The following ANKRD11 variants were observed in gnomAD, a reference collection of about 807,000 sequenced individuals.
The protein encoded by ANKRD11 is ankyrin repeat domain 11, also known as ankyrin repeat domain-containing protein 11.
Under a neutral mutation model 195.7 loss-of-function variants are expected in ANKRD11, and 17 were observed. The observed-to-expected ratio is 0.09, with a 90% confidence interval of 0.06 to 0.13. ANKRD11 has a LOEUF of 0.13. Among genes scored for constraint, ANKRD11 ranks in the 10% least tolerant of loss-of-function variants. ANKRD11 has a pLI of 1.00. For synonymous variants in ANKRD11, 1,953 were observed against 1,528.1 expected, an observed-to-expected ratio of 1.28 and a Z score of -6.49; for missense variants, 3,735 against 3,566.1, an observed-to-expected ratio of 1.05 and a Z score of -1.21.
intron 2 of ANKRD11, among the ~76,000 whole-genome samples, chr16:89,400,011 A>C (rs574761108): frequency 1.1e-4 from 16 of 148,546 alleles, no homozygotes; most frequent in African/African-American, 4.0e-4. Flanking sequence ...CTGCTGCCCC[A>C]GGCTTCCCTG....
At chr16:89,342,688 T>C (rs1051328213) in intron 2 of ANKRD11, among the ~76,000 whole-genome samples, 2 of 152,260 alleles carry the variant, frequency 1.3e-5, no homozygotes, top group African/African-American at 4.8e-5. Flanking sequence ...TACTTCATGG[T>C]GTAAAAATCT....
At chr16:89,455,400 C>G (rs923954757) in intron 1 of ANKRD11, among the ~76,000 whole-genome samples, 1 of 152,214 alleles carries the variant, frequency 6.6e-6, no homozygotes, top group African/African-American at 2.4e-5. Context: ...GTGCAGAGCC[C>G]ACATAGCTAT....
At position 89,285,771 on chromosome 16, in the gene ANKRD11, C is replaced by G; in HGVS notation, c.893-122G>C. The G allele has an allele frequency of 8.3e-7, 1 of 1,201,378 alleles. No homozygotes were observed. Among genetic ancestry groups the G allele is most frequent in the East Asian group, 2.4e-5 (1 of 41,160 alleles). The allele number at this position is 1,201,378 out of a possible 1,614,324, so 74.4% of individuals were successfully genotyped here. A position where few individuals can be genotyped will look rare whatever the true frequency, so the allele number is the denominator to read the frequency against. On this transcript the variant is annotated intron_variant, in intron 8 of 12. Coordinates refer to ENST00000301030, the MANE Select transcript of ANKRD11 (RefSeq NM_013275.6). This position sits in a 1 kb window ranked among gnomAD's most constrained non-coding sequence, Gnocchi z 5.6. ...GGTTCCCACCCTGCCTCTGCAGAGA[C>G]ACTTTGCTCGACTCATGGAAACCAG... is the stretch of plus-strand genomic sequence containing the variant.
chr16:89,384,437 A>G (rs577111320), intron 2 of ANKRD11, among the ~76,000 whole-genome samples: 5 of 152,226 alleles, frequency 3.3e-5, no homozygotes, highest in African/African-American at 1.2e-4. Flanking sequence ...GGGCTGAGGC[A>G]GAGCAGAACG....
At chr16:89,391,576 T>TC in intron 2 of ANKRD11, among the ~76,000 whole-genome samples, 1 of 152,128 alleles carries the variant, frequency 6.6e-6, no homozygotes, top group Non-Finnish European at 1.5e-5. Context: ...ATCTGAGTTT[T>TC]CCCCCTCAGA....
At chr16:89,473,805 C>T (rs1326987991) in intron 1 of ANKRD11, among the ~76,000 whole-genome samples, 1 of 152,166 alleles carries the variant, frequency 6.6e-6, no homozygotes, top group Non-Finnish European at 1.5e-5. Flanking sequence ...CCACCTTGCC[C>T]GGAGTGCAAG....
At chr16:89,313,654 G>A in intron 3 of ANKRD11, 1 of 1,250,770 alleles carries the variant, frequency 8.0e-7, no homozygotes, top group Non-Finnish European at 1.0e-6. Flanking sequence ...TATGGTAGAA[G>A]ACTGAGCAGA....
At chr16:89,312,132 G>A (rs967660269) in intron 3 of ANKRD11, among the ~76,000 whole-genome samples, 8 of 152,124 alleles carry the variant, frequency 5.3e-5, no homozygotes, top group Non-Finnish European at 8.8e-5. Context: ...TCCCGACCTC[G>A]GGTGATCCTC....
At chr16:89,287,997 C>A in intron 7 of ANKRD11, 1 of 486,680 alleles carries the variant, frequency 2.1e-6, no homozygotes, top group Non-Finnish European at 3.6e-6. Context: ...TCCGGCAGGA[C>A]GGGGCTGTCA....
In ANKRD11 at chr16:89,282,420, T is replaced by C; in HGVS notation, c.4122A>G (p.Lys1374=). The part of the protein sequence containing the change: ...ERAKKEKAEK[K]EKGEDYKEGG... ...CCTCCTTGTAATCTTCGCCCTTCTC[T>C]TTCTTCTCGGCCTTCTCTTTCTTGG... The change falls in exon 9 of 13, where the codon AAA becomes AAG. Residue 1374 remains lysine (K), a synonymous_variant. Coordinates refer to ENST00000301030, the MANE Select transcript of ANKRD11 (RefSeq NM_013275.6). 6.2e-7 allele frequency: 1 copy of C among 1,614,164 alleles called. No homozygotes were observed. The highest frequency in any genetic ancestry group is 2.2e-5 in the East Asian group (1 of 44,880).
chr16:89,356,529 T>C (rs1026127118), intron 2 of ANKRD11, among the ~76,000 whole-genome samples: 8 of 150,632 alleles, frequency 5.3e-5, no homozygotes, highest in Non-Finnish European at 1.2e-4. Context: ...CCCAGCTCTT[T>C]GGGAGGCCGA....
intron 3 of ANKRD11, among the ~76,000 whole-genome samples, chr16:89,308,838 G>A (rs2036449923): frequency 6.6e-6 from 1 of 152,112 alleles, no homozygotes; most frequent in African/African-American, 2.4e-5. Context: ...GGGACGTGCA[G>A]CATCAACACT....
intron 1 of ANKRD11, among the ~76,000 whole-genome samples, chr16:89,470,294 A>G (rs897642312): frequency 1.3e-5 from 2 of 152,156 alleles, no homozygotes; most frequent in African/African-American, 2.4e-5. Context: ...CTTATCACTA[A>G]GATTCAAACC....
chr16:89,468,501 T>C (rs2056959016), intron 1 of ANKRD11, among the ~76,000 whole-genome samples: 1 of 152,104 alleles, frequency 6.6e-6, no homozygotes, highest in Admixed American at 6.5e-5. Flanking sequence ...GGCCAGAAGT[T>C]TAAGACTGGC....
intron 2 of ANKRD11, among the ~76,000 whole-genome samples, chr16:89,395,194 C>T (rs1396328575): frequency 6.6e-6 from 1 of 152,210 alleles, no homozygotes; most frequent in African/African-American, 2.4e-5. Flanking sequence ...GAGGCTTGGT[C>T]AATTTTAAGG....
intron 1 of ANKRD11, among the ~76,000 whole-genome samples, chr16:89,485,470 G>A (rs997563356): frequency 2.0e-5 from 3 of 152,106 alleles, no homozygotes; most frequent in Non-Finnish European, 2.9e-5. Flanking sequence ...CTCCAGCCTA[G>A]GTGACAGAGA....
chr16:89,474,050 C>T (rs2152355796), intron 1 of ANKRD11, among the ~76,000 whole-genome samples: 1 of 152,318 alleles, frequency 6.6e-6, no homozygotes, highest in East Asian at 1.9e-4. Flanking sequence ...CTCTAAGAGT[C>T]AAGAGGAGAC....
In ANKRD11 at chr16:89,280,577, C is replaced by T. The variant is rs755371317; in HGVS notation, c.5965G>A (p.Glu1989Lys). The change falls in exon 9 of 13, where the codon GAG becomes AAG. Residue 1989 changes from glutamate (E) to lysine (K), a missense_variant. By Grantham distance (56) the Glu-to-Lys change is moderately conservative. Transcript: ENST00000301030. ...LLLKSPQRFPESPKRFCPADP... is the reference protein window; with the variant it reads ...LLLKSPQRFPKSPKRFCPADP... ...GCGGGGCAGAAACGCTTTGGGGACT[C>T]GGGGAATCTCTGTGGAGACTTCAGC... 3.1e-6 allele frequency: 5 copies of T among 1,613,234 alleles called. No individual in the cohort carries two copies. Among genetic ancestry groups the T allele is most frequent in the Middle Eastern group, 1.6e-4 (1 of 6,076 alleles).
intron 1 of ANKRD11, among the ~76,000 whole-genome samples, chr16:89,436,609 G>C (rs1433649282): frequency 6.6e-6 from 1 of 152,176 alleles, no homozygotes; most frequent in Non-Finnish European, 1.5e-5. Flanking sequence ...AAATGAAGAC[G>C]CAGGGGCATC....
Sources: gnomAD v4.1 joint callset for allele counts (sites outside exome capture counted in the v4.1 genomes callset) on GRCh38, gnomAD v4.1.1 for gene constraint, Gnocchi (gnomAD v3.1) non-coding constraint, MANE v1.5 for transcripts, NCBI Gene and HGNC (gene_info 2026-07-23, HGNC 2026-07-21) for gene names.